TLE1: variants seen among roughly 807,000 people sequenced by gnomAD.
The protein encoded by TLE1 is transducin-like enhancer protein 1.
TLE1 carries 21 observed loss-of-function variants against 89.8 expected under a neutral mutation model. The observed-to-expected ratio is 0.23, with a 90% CI of 0.17 to 0.34. The LOEUF is 0.34. Ranked by LOEUF, TLE1 falls within the 10% of genes least tolerant of loss-of-function variation. The probability of loss-of-function intolerance (pLI) is 1.00; values close to 1 mark genes in which losing one functional copy is unlikely to be tolerated. For missense variants in TLE1, 795 were observed against 1,031.2 expected, an observed-to-expected ratio of 0.77 and a Z score of 3.14; for synonymous variants, 447 against 407.6, an observed-to-expected ratio of 1.10 and a Z score of -1.16.
intron 8 of TLE1, among the ~76,000 whole-genome samples, chr9:81,627,267 A>G (rs1247343275): frequency 6.6e-6 from 1 of 152,088 alleles, no homozygotes; most frequent in East Asian, 1.9e-4. Flanking sequence ...CTAATTACAG[A>G]GCACAAACTC....
intron 14 of TLE1, among the ~76,000 whole-genome samples, chr9:81,606,315 T>G (rs916128547): frequency 1.5e-4 from 23 of 152,216 alleles, no homozygotes; most frequent in African/African-American, 5.3e-4. Flanking sequence ...TAAAGACACA[T>G]GCACACATAT....
At chr9:81,636,456 T>TG (rs1184482988) in intron 6 of TLE1, among the ~76,000 whole-genome samples, 1 of 62,036 alleles carries the variant, frequency 1.6e-5, no homozygotes, top group Non-Finnish European at 3.0e-5. Context: ...GGGTGGGGGG[T>TG]GGGGGGAATG....
At chr9:81,592,445 G>A (rs6559629) in intron 15 of TLE1, among the ~76,000 whole-genome samples, 78,480 of 152,020 alleles carry the variant, frequency 0.52, 20,552 homozygotes, top group South Asian at 0.69. Context: ...GGCTCTGAGC[G>A]GACGTGGCTT....
intron 6 of TLE1, among the ~76,000 whole-genome samples, chr9:81,636,495 G>A (rs117734305): frequency 3.2e-3 from 481 of 151,970 alleles, no homozygotes; most frequent in Non-Finnish European, 5.6e-3. Flanking sequence ...CAAGTGCAGC[G>A]GGTAATTAAG....
intron 1 of TLE1, 71 bp downstream of exon 1, chr9:81,688,146 T>C: frequency 6.3e-7 from 1 of 1,580,798 alleles, no homozygotes; most frequent in Admixed American, 1.7e-5. Flanking sequence ...AAGCCACCAG[T>C]CTCCCTACCG....
chr9:81,611,890 G>C lies in TLE1; in HGVS notation c.1133C>G (p.Ala378Gly), dbSNP rs1433445487. 2 of 1,545,394 alleles carry C rather than the reference G, an allele frequency of 1.3e-6. No individual in the cohort carries two copies. Among genetic ancestry groups the C allele is most frequent in the Admixed American group, 2.1e-5 (1 of 47,392 alleles). ...GCTGGTCAGCTCGCCGTTCATGCCA[G>C]CGTGGGGGACCATCCCAAAAGGAGC... ...YPAPFGMVPH[A>G]GMNGELTSPG... is the part of the protein sequence containing the mutation. The change falls in exon 13 of 20, where the codon GCT (alanine) becomes GGT (glycine). Residue 378 changes from alanine (A) to glycine (G), a missense_variant. Coordinates refer to ENST00000376499, the MANE Select transcript of TLE1 (RefSeq NM_005077.5).
chr9:81,657,707 CA>C (rs1218251351), intron 4 of TLE1, among the ~76,000 whole-genome samples: 1 of 151,950 alleles, frequency 6.6e-6, no homozygotes, highest in Non-Finnish European at 1.5e-5. Context: ...CCATGGAAAC[CA>C]AAATCTAAGG....
At chr9:81,592,302 G>A (rs1829658026) in intron 15 of TLE1, among the ~76,000 whole-genome samples, 1 of 152,252 alleles carries the variant, frequency 6.6e-6, no homozygotes, top group African/African-American at 2.4e-5. Context: ...AGCCTGCAGT[G>A]AGCCGAGATC....
Position 81,685,667 on chromosome 9 carries a change from A to G in TLE1, c.234+9T>C. On this transcript the variant is annotated intron_variant, in intron 4 of 19. Transcript: ENST00000376499. ...TCTCATTTCAGCTTGAAGTTCAACTAAAGCTTACCTGTTTGTGCATTTCAA... is the reference window on the plus strand; with the variant it reads ...TCTCATTTCAGCTTGAAGTTCAACTGAAGCTTACCTGTTTGTGCATTTCAA... 6.2e-7 allele frequency: 1 copy of G among 1,612,990 alleles called. No homozygotes were observed. The highest frequency in any genetic ancestry group is 8.5e-7 in the Non-Finnish European group (1 of 1,179,290).
At position 81,590,848 on chromosome 9, in the gene TLE1, C is replaced by T. The variant is rs762753346; in HGVS notation, c.1786G>A (p.Gly596Ser). Residue 596 changes from glycine (G) to serine (S), a missense_variant, in exon 16 of 20, where the codon GGC (glycine) becomes AGC (serine). Around this residue, in one of 4 missense-constraint regions of TLE1, gnomAD observed 214 missense variants for 354.9 expected, o/e 0.60. Transcript: ENST00000376499. ...TGCAGATCCCACACAGCGATGTTGCCGTCGCTGCAGCATGAGAAGCAGACC... is the reference window on the plus strand; with the variant it reads ...TGCAGATCCCACACAGCGATGTTGCTGTCGCTGCAGCATGAGAAGCAGACC... ...SKVCFSCCSD[G>S]NIAVWDLHNQ... 6.2e-7 allele frequency: 1 copy of T among 1,614,194 alleles called. No individual in the cohort carries two copies. The highest frequency in any genetic ancestry group is 8.5e-7 in the Non-Finnish European group (1 of 1,180,040).
At chr9:81,599,710 A>G (rs906217994) in intron 14 of TLE1, among the ~76,000 whole-genome samples, 4 of 152,146 alleles carry the variant, frequency 2.6e-5, no homozygotes, top group African/African-American at 9.7e-5. Context: ...AAATTTTTCC[A>G]GTTTGGCCAT....
chr9:81,600,236 C>T (rs1651945817), intron 14 of TLE1: 1 of 604,374 alleles, frequency 1.7e-6, no homozygotes, highest in Non-Finnish European at 3.0e-6. Context: ...ACTATCACTA[C>T]AGACAAAAAC....
At chr9:81,632,029 G>T (rs910380229) in intron 8 of TLE1, among the ~76,000 whole-genome samples, 3 of 152,144 alleles carry the variant, frequency 2.0e-5, no homozygotes, top group Non-Finnish European at 4.4e-5. Context: ...GGCGGAGGTT[G>T]CAGTGAGCCG....
At chr9:81,596,526 C>T (rs80227870) in intron 14 of TLE1, among the ~76,000 whole-genome samples, 1 of 152,056 alleles carries the variant, frequency 6.6e-6, no homozygotes, top group Admixed American at 6.6e-5. Flanking sequence ...TCATCATGAC[C>T]ATGGTGAAGG....
intron 4 of TLE1, among the ~76,000 whole-genome samples, chr9:81,679,151 T>TA (rs1833282650): frequency 2.6e-5 from 4 of 152,102 alleles, no homozygotes; most frequent in Admixed American, 2.6e-4. Context: ...CTATCGCCAT[T>TA]AAAAAAATTA....
intron 8 of TLE1, among the ~76,000 whole-genome samples, chr9:81,623,704 C>A (rs183620778): frequency 3.3e-5 from 5 of 151,332 alleles, no homozygotes; most frequent in African/African-American, 1.2e-4. Flanking sequence ...GCACAAGAAT[C>A]ACTTGAACCT....
intron 18 of TLE1, among the ~76,000 whole-genome samples, chr9:81,584,969 T>TCCAC (rs1165715065): frequency 6.8e-6 from 1 of 147,994 alleles, no homozygotes; most frequent in South Asian, 2.1e-4. Flanking sequence ...CATCCACCCA[T>TCCAC]CCATCCATCC....
intron 9 of TLE1, among the ~76,000 whole-genome samples, chr9:81,618,118 G>A (rs767812841): frequency 6.6e-6 from 1 of 152,142 alleles, no homozygotes; most frequent in Non-Finnish European, 1.5e-5. Context: ...TAGCCAAAAC[G>A]TCTCATGTCC....
chr9:81,681,127 A>C (rs1833569185), intron 4 of TLE1, among the ~76,000 whole-genome samples: 1 of 151,996 alleles, frequency 6.6e-6, no homozygotes, highest in Non-Finnish European at 1.5e-5. Context: ...TCACTCCAAA[A>C]TTTACATGGC....
Sources: allele counts gnomAD v4.1 joint callset (sites outside exome capture counted in the v4.1 genomes callset), GRCh38; gene constraint gnomAD v4.1.1; regional missense constraint gnomAD v4.1.1; transcripts MANE v1.5; gene names NCBI Gene and HGNC (gene_info 2026-07-23, HGNC 2026-07-21).